Variants in COQ6 observed in about 807,000 individuals in gnomAD.
The protein encoded by COQ6 is ubiquinone biosynthesis monooxygenase COQ6, mitochondrial.
A neutral mutation model predicts 55.5 loss-of-function variants in COQ6; 45 were observed. The ratio of observed to expected loss-of-function variants is 0.81; its 90% CI spans 0.64 to 1.04. COQ6 has a LOEUF of 1.04. COQ6 is among the 50% of genes least tolerant of loss of function. COQ6 has a pLI of 0.00. For synonymous variants in COQ6, 206 were observed against 230.5 expected (o/e 0.89, Z 0.96); for missense variants, 550 against 601.3 (o/e 0.91, Z 0.89).
At chr14:73,962,698 C>T in intron 11 of COQ6, 1 of 398,222 alleles carries the variant, frequency 2.5e-6, no homozygotes, top group Non-Finnish European at 4.3e-6. Context: ...ACCTGTAATC[C>T]CAGCACTTTA....
intron 1 of COQ6, among the ~76,000 whole-genome samples, 172 bp from the exon 2 acceptor site, chr14:73,953,263 A>T (rs1045237180): frequency 6.6e-6 from 1 of 152,084 alleles, no homozygotes; most frequent in Non-Finnish European, 1.5e-5. Flanking sequence ...TGGTTCTCAT[A>T]GCTAAAATGG....
chr14:73,960,160 G>T, intron 8 of COQ6: 1 of 988,250 alleles, frequency 1.0e-6, no homozygotes, highest in Non-Finnish European at 1.2e-6. Context: ...CTGATTCATT[G>T]AAAGTATTCC....
At chr14:73,960,702 C>T (rs2098029) in intron 8 of COQ6, 80,366 of 604,170 alleles carry the variant, frequency 0.13, 6,251 homozygotes, top group Admixed American at 0.21. Context: ...TGACAATCTC[C>T]GTACAGTGAT....
rs187190913 is a variant in COQ6, at chr14:73,963,303, C to A, written c.*304C>A. 2.1e-6 allele frequency: 1 copy of A among 466,500 alleles called. No individual in the cohort carries two copies. The highest frequency in any genetic ancestry group is 2.0e-5 in the African/African-American group (1 of 50,314). 28.9% of individuals were successfully genotyped at this position (466,500 alleles called of 1,614,324 possible). A position where few individuals can be genotyped will look rare whatever the true frequency, so the allele number is the denominator to read the frequency against. On this transcript the variant is annotated 3_prime_UTR_variant, in exon 12 of 12. Transcript: ENST00000334571. ...CTCACTCATTTCCAGTTAATCATTT[C>A]TAAAGAGAAAATTTACATTTTGTTT...
chr14:73,959,164 C>T lies in COQ6; in HGVS notation c.723C>T (p.Ala241=). The change falls in exon 7 of 12, where the codon GCC becomes GCT. Residue 241 remains alanine, a splice_region_variant and synonymous_variant. Transcript: ENST00000334571. ...AACTTTTCTCCTCTCTGTTGCAGGC[C>T]ACAGAAAACAACGTAGCCTGGCAGA... ...AVVATLHLSE[A]TENNVAWQRF... 1.2e-6 allele frequency: 2 copies of T among 1,614,166 alleles called. No individual in the cohort carries two copies. The highest frequency in any genetic ancestry group is 1.7e-6 in the Non-Finnish European group (2 of 1,180,034).
At chr14:73,951,167 G>A (rs1175352555) in intron 1 of COQ6, among the ~76,000 whole-genome samples, 1 of 151,904 alleles carries the variant, frequency 6.6e-6, no homozygotes, top group East Asian at 1.9e-4. Context: ...GCTGATTTTT[G>A]TATTTTTTTG....
chr14:73,952,259 A>C (rs2056232288), intron 1 of COQ6, among the ~76,000 whole-genome samples: 1 of 150,026 alleles, frequency 6.7e-6, no homozygotes, highest in Non-Finnish European at 1.5e-5. Context: ...AGGAGCTGGG[A>C]CCACAGGCGC....
In COQ6 at chr14:73,963,470, C is replaced by T. The variant is rs1343805840; in HGVS notation, c.*471C>T. ...ATATAAATTGCTTTAACCTTTGTTA[C>T]AGGTATACTGGACTTTCTGAAAGGA... On this transcript the variant is annotated 3_prime_UTR_variant, in exon 12 of 12. Coordinates refer to ENST00000334571, the MANE Select transcript of COQ6 (RefSeq NM_182476.3). 1 of 196,076 alleles carries T rather than the reference C, an allele frequency of 5.1e-6. No homozygotes were observed. The highest frequency in any genetic ancestry group is 1.0e-5 in the Non-Finnish European group (1 of 96,700). The allele number at this position is 196,076 out of a possible 1,614,324, so 12.1% of individuals were successfully genotyped here. A position where few individuals can be genotyped will look rare whatever the true frequency, so the allele number is the denominator to read the frequency against.
At chr14:73,956,786 T>C (rs1173437836) in intron 4 of COQ6, 2 of 152,210 alleles carry the variant, frequency 1.3e-5, no homozygotes, top group East Asian at 3.8e-4. Context: ...AATATCTTAA[T>C]GTTCTAGAGA....
intron 8 of COQ6, chr14:73,960,133 A>T (rs188155543): frequency 1.0e-6 from 1 of 992,008 alleles, no homozygotes; most frequent in East Asian, 1.1e-4. Context: ...GGTTGCAGCT[A>T]CCTGAACCTT....
At chr14:73,960,262 C>T (rs1594809592) in intron 8 of COQ6, 1 of 986,314 alleles carries the variant, frequency 1.0e-6, no homozygotes, top group Non-Finnish European at 1.2e-6. Flanking sequence ...TCACTAACTG[C>T]TCAGGATTGA....
chr14:73,953,751 C>G, intron 2 of COQ6, 182 bp downstream of exon 2: 1 of 722,048 alleles, frequency 1.4e-6, no homozygotes, highest in Non-Finnish European at 2.4e-6. Context: ...GCAGTTGCTA[C>G]TGCCTCAACT....
chr14:73,950,100 G>A (rs761985696), upstream of COQ6: 2 of 1,603,770 alleles, frequency 1.2e-6, no homozygotes, highest in East Asian at 2.2e-5. Flanking sequence ...GCTATGCGGG[G>A]CCAGGGTCCA....
At position 73,958,258 on chromosome 14, in the gene COQ6, C is replaced by T; in HGVS notation, c.593C>T (p.Thr198Ile). The change falls in exon 5 of 12, where the codon ACC (threonine) becomes ATC (isoleucine). Residue 198 changes from threonine (T) to isoleucine (I), a missense_variant. By Grantham distance (89) the Thr-to-Ile change is moderately conservative (BLOSUM62 -1). Transcript: ENST00000334571. ...WVHITLGDGS[T>I]FQTKLLIGAD... ...CATATTACCCTAGGTGATGGCAGCA[C>T]CTTCCAGACCAAATTGTTGGTAGTT... The T allele has an allele frequency of 6.2e-7, 1 of 1,614,060 alleles. No individual in the cohort carries two copies. Among genetic ancestry groups the T allele is most frequent in the South Asian group, 1.1e-5 (1 of 91,078 alleles).
chr14:73,957,321 G>A (rs774666591), intron 4 of COQ6, among the ~76,000 whole-genome samples: 3 of 151,996 alleles, frequency 2.0e-5, no homozygotes, highest in African/African-American at 4.8e-5. Flanking sequence ...TCCTGACCTC[G>A]TGATCCACCC....
rs145747095 is a variant in COQ6, at chr14:73,959,672, C to T, written c.891+150C>T. On this transcript the variant is annotated intron_variant, in intron 8 of 11. Transcript: ENST00000334571. ...GCAATCTCCGCCTCCCGGGTTCAAGCGATTCTCCTGCCTCAGCCTCCTAAG... is the reference window on the plus strand; with the variant it reads ...GCAATCTCCGCCTCCCGGGTTCAAGTGATTCTCCTGCCTCAGCCTCCTAAG... The T allele has an allele frequency of 0.072, 102,135 of 1,411,714 alleles. 6,080 individuals are homozygous for T. Among genetic ancestry groups the T allele is most frequent in the South Asian group, 0.26 (20,876 of 79,606 alleles). The allele number at this position is 1,411,714 out of a possible 1,614,324, so 87.4% of individuals were successfully genotyped here. A position where few individuals can be genotyped will look rare whatever the true frequency, so the allele number is the denominator to read the frequency against.
At position 73,961,323 on chromosome 14, in the gene COQ6, C is replaced by G. The variant is rs1325963324; in HGVS notation, c.1042C>G (p.Leu348Val). Residue 348 changes from leucine to valine, a missense_variant, in exon 9 of 12, where the codon CTT becomes GTT. Transcript: ENST00000334571. The part of the protein sequence containing the change: ...VDAKSRVLFP[L>V]GLGHAAEYVR... ...TGCCAAAAGCCGAGTTCTGTTTCCT[C>G]TTGGGTTGGGACATGCTGCTGAGTA... 1 of 1,614,106 alleles carries G rather than the reference C, an allele frequency of 6.2e-7. No individual in the cohort carries two copies. Among genetic ancestry groups the G allele is most frequent in the African/African-American group, 1.3e-5 (1 of 74,942 alleles).
At chr14:73,960,827 T>G in intron 8 of COQ6, 1 of 398,310 alleles carries the variant, frequency 2.5e-6, no homozygotes, top group South Asian at 2.2e-5. Context: ...CCTAATGAAA[T>G]AGAGACGGGC....
intron 5 of COQ6, 146 bp from the exon 6 acceptor site, chr14:73,958,825 C>G: frequency 6.5e-7 from 1 of 1,535,196 alleles, no homozygotes; most frequent in Admixed American, 2.0e-5. Context: ...GGCTCCACCT[C>G]TAGGGGCTGT....
Sources: allele counts gnomAD v4.1 joint callset (sites outside exome capture counted in the v4.1 genomes callset), GRCh38; gene constraint gnomAD v4.1.1; transcripts MANE v1.5; gene names NCBI Gene and HGNC (gene_info 2026-07-23, HGNC 2026-07-21).